Variants in CDH11 observed in about 807,000 individuals in gnomAD.
The protein encoded by CDH11 is cadherin-11.
In CDH11, 11 loss-of-function variants were observed where a neutral mutation model predicts 67.8. That is an observed-to-expected ratio of 0.16 (90% CI 0.10 to 0.27). CDH11 has a LOEUF of 0.27. CDH11 is among the 10% of genes least tolerant of loss of function. The probability of loss-of-function intolerance (pLI) is 1.00; values close to 1 mark genes in which losing one functional copy is unlikely to be tolerated. For missense variants in CDH11, 847 were observed against 1,031.2 expected (o/e 0.82, Z 2.45); for synonymous variants, 419 against 400.0 (o/e 1.05, Z -0.57).
At chr16:64,987,702 A>G (rs1475277828) in intron 7 of CDH11, 1 of 152,844 alleles carries the variant, frequency 6.5e-6, no homozygotes. Context: ...GATAAAAACA[A>G]GTAGAGAAGG....
At chr16:64,969,561 T>C (rs2071943411) in intron 11 of CDH11, among the ~76,000 whole-genome samples, 2 of 152,214 alleles carry the variant, frequency 1.3e-5, no homozygotes, top group Non-Finnish European at 2.9e-5. Flanking sequence ...TTATGCAATA[T>C]ATTGTTACAA....
At position 64,965,251 on chromosome 16, in the gene CDH11, G is replaced by C. The variant is rs530265500; in HGVS notation, c.1642+6328C>G. Among the ~76,000 whole-genome samples, 341 of 150,822 alleles carry C rather than the reference G, an allele frequency of 2.3e-3. 1 individual carries two copies. Among genetic ancestry groups the C allele is most frequent in the Non-Finnish European group, 4.2e-3 (282 of 67,732 alleles). ...AAAAAAATTAGCCGGGTGTGCTGGC[G>C]GGCGCCTGTAATCCCAGCTACCTGG... On this transcript the variant is annotated intron_variant, in intron 11 of 12. Coordinates refer to ENST00000268603, the MANE Select transcript of CDH11 (RefSeq NM_001797.4).
chr16:65,037,624 C>T (rs965802398), intron 2 of CDH11, among the ~76,000 whole-genome samples: 3 of 152,090 alleles, frequency 2.0e-5, no homozygotes, highest in Non-Finnish European at 4.4e-5. Flanking sequence ...CCCTAACAAC[C>T]CTGCTAGAGT....
chr16:65,024,421 A>C (rs1389074537), intron 2 of CDH11, among the ~76,000 whole-genome samples: 2 of 152,164 alleles, frequency 1.3e-5, no homozygotes, highest in African/African-American at 4.8e-5. Context: ...TAAACCCAGG[A>C]ATCAGTATTT....
At position 64,944,971 on chromosome 16, in the gene CDH11, G is replaced by A. The variant is rs2071169626; in HGVS notation, c.*2632C>T. On this transcript the variant is annotated 3_prime_UTR_variant, in exon 13 of 13. Coordinates refer to ENST00000268603, the MANE Select transcript of CDH11 (RefSeq NM_001797.4). ...TTATCAAAAGATGTCAGAAAAGGTA[G>A]TAAGATTCATTCTGAATCCTCCAGT... The A allele has an allele frequency of 4.7e-6, 1 of 212,942 alleles. No individual in the cohort carries two copies. Among genetic ancestry groups the A allele is most frequent in the Non-Finnish European group, 9.5e-6 (1 of 105,322 alleles). 13.2% of individuals were successfully genotyped at this position (212,942 alleles called of 1,614,324 possible). A position where few individuals can be genotyped will look rare whatever the true frequency, so the allele number is the denominator to read the frequency against.
chr16:65,078,310 G>C (rs1171248649), intron 1 of CDH11, among the ~76,000 whole-genome samples: 2 of 152,168 alleles, frequency 1.3e-5, no homozygotes, highest in East Asian at 3.9e-4. Flanking sequence ...GAATGAATGT[G>C]AGTGTGTTTA....
At chr16:64,981,762 G>A (rs1241164702) in intron 8 of CDH11, 3 of 308,912 alleles carry the variant, frequency 9.7e-6, no homozygotes, top group Non-Finnish European at 1.8e-5. Context: ...TTTCCCCACA[G>A]TCCCCTGAGG....
intron 1 of CDH11, among the ~76,000 whole-genome samples, chr16:65,120,752 C>T (rs948783783): frequency 6.6e-6 from 1 of 152,208 alleles, no homozygotes; most frequent in Non-Finnish European, 1.5e-5. Flanking sequence ...AAACCTTTCA[C>T]CCGGGAGAGG....
At chr16:64,962,038 C>A (rs2071687968) in intron 11 of CDH11, among the ~76,000 whole-genome samples, 1 of 151,920 alleles carries the variant, frequency 6.6e-6, no homozygotes, top group African/African-American at 2.4e-5. Flanking sequence ...TGATATAGCA[C>A]ATATTTGAAA....
chr16:64,969,050 T>C (rs1392630682), intron 11 of CDH11, among the ~76,000 whole-genome samples: 1 of 152,138 alleles, frequency 6.6e-6, no homozygotes, highest in Non-Finnish European at 1.5e-5. Context: ...AAATAGTAGC[T>C]CAACAGTGGT....
chr16:65,077,741 T>A (rs992329057), intron 1 of CDH11, among the ~76,000 whole-genome samples: 28 of 152,230 alleles, frequency 1.8e-4, no homozygotes, highest in Non-Finnish European at 1.2e-4. Context: ...CTCAGAAGTA[T>A]CAAGTTTCAC....
chr16:64,962,228 T>G (rs2142400279), intron 11 of CDH11, among the ~76,000 whole-genome samples: 1 of 152,168 alleles, frequency 6.6e-6, no homozygotes, highest in African/African-American at 2.4e-5. Context: ...AAATAGTGAC[T>G]AAGAAAATAA....
chr16:65,096,443 G>GTGTGTGTGTGTGTGTA lies in CDH11; in HGVS notation c.-298+25436_-298+25437insTACACACACACACACA. Reference sequence around the variant, plus strand: ...TGTGTGTGTGTGTGTGTGTGTGTGTGTATATATATGTTTATATATGTGTGT... The same window carrying GTGTGTGTGTGTGTGTA: ...TGTGTGTGTGTGTGTGTGTGTGTGTGTGTGTGTGTGTGTGTATATATATATGTTTATATATGTGTGT... On this transcript the variant is annotated intron_variant, in intron 1 of 12. Coordinates refer to ENST00000268603, the MANE Select transcript of CDH11 (RefSeq NM_001797.4). Among the ~76,000 whole-genome samples, 3 of 138,450 alleles carry GTGTGTGTGTGTGTGTA rather than the reference G, an allele frequency of 2.2e-5. No individual in the cohort carries two copies. In the East Asian group the frequency reaches 6.4e-4, roughly 29 times the overall value. 90.8% of individuals were successfully genotyped at this position (138,450 alleles called of 152,430 possible). A position where few individuals can be genotyped will look rare whatever the true frequency, so the allele number is the denominator to read the frequency against.
At chr16:65,083,210 C>A (rs774815558) in intron 1 of CDH11, among the ~76,000 whole-genome samples, 3 of 152,142 alleles carry the variant, frequency 2.0e-5, no homozygotes, top group Non-Finnish European at 4.4e-5. Flanking sequence ...GAATTTGGAT[C>A]CACGTTTGTC....
At chr16:65,047,895 G>C (rs902854222) in intron 2 of CDH11, among the ~76,000 whole-genome samples, 1 of 151,948 alleles carries the variant, frequency 6.6e-6, no homozygotes, top group Non-Finnish European at 1.5e-5. Context: ...CTGAAGCTCC[G>C]CCTGATTTCC....
chr16:65,060,318 C>T (rs181049272), intron 1 of CDH11, among the ~76,000 whole-genome samples: 11 of 142,350 alleles, frequency 7.7e-5, no homozygotes, highest in Admixed American at 1.5e-4. Context: ...AATATCTAAG[C>T]ACACCCACTA....
At chr16:65,037,751 C>T (rs1052113082) in intron 2 of CDH11, among the ~76,000 whole-genome samples, 1 of 151,904 alleles carries the variant, frequency 6.6e-6, no homozygotes, top group Non-Finnish European at 1.5e-5. Flanking sequence ...AGTGCCAAGA[C>T]CTGAGAGAAG....
chr16:65,033,030 T>G (rs8053035), intron 2 of CDH11, among the ~76,000 whole-genome samples: 3,381 of 152,292 alleles, frequency 0.022, 136 homozygotes, highest in African/African-American at 0.077. Flanking sequence ...TTTTGCCCCC[T>G]GCTGTGAAAT....
chr16:64,998,510 C>A (rs1321495557), intron 4 of CDH11, 52 bp downstream of exon 4: 1 of 1,567,450 alleles, frequency 6.4e-7, no homozygotes, highest in Non-Finnish European at 8.8e-7. Context: ...AGCCCACCCA[C>A]CACAGAGACA....
Sources: gnomAD v4.1 joint callset for allele counts (sites outside exome capture counted in the v4.1 genomes callset) on GRCh38, gnomAD v4.1.1 for gene constraint, MANE v1.5 for transcripts, NCBI Gene and HGNC (gene_info 2026-07-23, HGNC 2026-07-21) for gene names.